Variants in AKAP9 observed in about 807,000 individuals in gnomAD.
AKAP9 encodes the protein A-kinase anchor protein 9.
Under a neutral mutation model 488.5 loss-of-function variants are expected in AKAP9, and 311 were observed. That is an observed-to-expected ratio of 0.64 (90% CI 0.58 to 0.70). The LOEUF (loss-of-function observed/expected upper bound fraction) is 0.70. Ranked by LOEUF, AKAP9 falls within the 30% of genes least tolerant of loss-of-function variation. The probability of loss-of-function intolerance (pLI) is 0.00; values close to 1 mark genes in which losing one functional copy is unlikely to be tolerated. For synonymous variants in AKAP9, 1,462 were observed against 1,483.5 expected, an observed-to-expected ratio of 0.99 and a Z score of 0.33; for missense variants, 4,215 against 4,374.5, an observed-to-expected ratio of 0.96 and a Z score of 1.03.
chr7:91,998,418 CTTTTTTTTTTTTTTTTTTTTTTTTT>C lies in AKAP9; in HGVS notation c.931-2417_931-2393del, dbSNP rs60778133. ...AGATAGTGTATTCAACCACAGGGCTCTTTTTTTTTTTTTTTTTTTTTTTTTTTTTTTTTTTTTAGAATTCAGAGTA... is the reference window on the plus strand; with the variant it reads ...AGATAGTGTATTCAACCACAGGGCTCTTTTTTTTTTTTAGAATTCAGAGTA... On this transcript the variant is annotated intron_variant, in intron 7 of 49. Transcript: ENST00000356239. 6.9e-4 allele frequency among the ~76,000 whole-genome samples: 37 copies of C among 54,000 alleles called. 1 individual carries two copies. In the South Asian group the frequency reaches 0.021, roughly 31 times the overall value. The allele number at this position is 54,000 out of a possible 152,430, so 35.4% of individuals were successfully genotyped here.
At chr7:92,085,457 A>G in intron 35 of AKAP9, 38 bp from the exon 36 acceptor site, 1 of 1,580,572 alleles carries the variant, frequency 6.3e-7, no homozygotes, top group Non-Finnish European at 8.7e-7. Context: ...TCTGTGAAGA[A>G]GTTGTCATAA....
intron 33 of AKAP9, among the ~76,000 whole-genome samples, 157 bp from the exon 34 acceptor site, chr7:92,084,483 C>A: frequency 6.6e-6 from 1 of 150,386 alleles, no homozygotes. Context: ...CATGAAGAAA[C>A]AGACTTGTTA....
intron 1 of AKAP9, among the ~76,000 whole-genome samples, chr7:91,959,979 T>C (rs183490026): frequency 1.3e-5 from 2 of 152,244 alleles, no homozygotes; most frequent in Admixed American, 1.3e-4. Context: ...ACAACTGTTA[T>C]AATCTTTTTA....
At position 92,093,213 on chromosome 7, in the gene AKAP9, A is replaced by T. The variant is rs1354788376; in HGVS notation, c.9475A>T (p.Met3159Leu). 6.2e-7 allele frequency: 1 copy of T among 1,614,034 alleles called. No individual in the cohort carries two copies. Among genetic ancestry groups the T allele is most frequent in the African/African-American group, 1.3e-5 (1 of 74,924 alleles). The change falls in exon 39 of 50, where the codon ATG becomes TTG. Residue 3159 changes from methionine (M) to leucine (L), a missense_variant. By Grantham distance (15) the Met-to-Leu change is conservative. Around this residue, in one of 5 missense-constraint regions of AKAP9, gnomAD observed 1,476 missense variants for 1,477.4 expected, o/e 1.00. Coordinates refer to ENST00000356239, the MANE Select transcript of AKAP9 (RefSeq NM_005751.5). ...ELQEQLSSEK[M>L]VVAELKSELA... Reference sequence around the variant, plus strand: ...GCAGGAGCAGCTGAGTTCTGAGAAAATGGTGGTTGCTGAACTGAAGAGTGA... The same window carrying T: ...GCAGGAGCAGCTGAGTTCTGAGAAATTGGTGGTTGCTGAACTGAAGAGTGA...
Position 92,010,105 on chromosome 7 carries a change from G to A in AKAP9, c.3319-2324G>A, listed in dbSNP as rs150921844. On this transcript the variant is annotated intron_variant, in intron 8 of 49. Coordinates refer to ENST00000356239, the MANE Select transcript of AKAP9 (RefSeq NM_005751.5). ...AGGATCTCGCTGTGTTGCCCAGGCTGGTCTTAAATGTAGGGGATTGGTCAG... is the reference window on the plus strand; with the variant it reads ...AGGATCTCGCTGTGTTGCCCAGGCTAGTCTTAAATGTAGGGGATTGGTCAG... Among the ~76,000 whole-genome samples, 7 of 152,230 alleles carry A rather than the reference G, an allele frequency of 4.6e-5. No individual in the cohort carries two copies. The East Asian group carries it at 1.4e-3, about 29-fold the overall frequency.
chr7:91,992,533 A>T (rs1797882349), intron 4 of AKAP9, among the ~76,000 whole-genome samples: 1 of 151,844 alleles, frequency 6.6e-6, no homozygotes, highest in African/African-American at 2.4e-5. Context: ...GCATGGTGGC[A>T]GCCGCCTGTA....
intron 1 of AKAP9, among the ~76,000 whole-genome samples, chr7:91,942,591 T>C (rs1790910325): frequency 6.6e-6 from 1 of 152,230 alleles, no homozygotes; most frequent in South Asian, 2.1e-4. Context: ...GTCTTACTTG[T>C]CTGTTACCTC....
chr7:92,045,943 C>T lies in AKAP9; in HGVS notation c.5368+730C>T, dbSNP rs900675748. 4.0e-5 allele frequency among the ~76,000 whole-genome samples: 6 copies of T among 148,800 alleles called. No homozygotes were observed. In the East Asian group the frequency reaches 6.0e-4, roughly 15 times the overall value. On this transcript the variant is annotated intron_variant, in intron 21 of 49. Coordinates refer to ENST00000356239, the MANE Select transcript of AKAP9 (RefSeq NM_005751.5). Reference sequence around the variant, plus strand: ...CTGTCTCCCGGGTTCAAGCAATTCTCCTGCCTCAGCCTCTCAACTAGCTGG... The same window carrying T: ...CTGTCTCCCGGGTTCAAGCAATTCTTCTGCCTCAGCCTCTCAACTAGCTGG...
Position 92,045,134 on chromosome 7 carries a change from C to T in AKAP9, c.5289C>T (p.Ser1763=). 1 of 1,613,536 alleles carries T rather than the reference C, an allele frequency of 6.2e-7. No individual in the cohort carries two copies. Among genetic ancestry groups the T allele is most frequent in the Non-Finnish European group, 8.5e-7 (1 of 1,179,900 alleles). Residue 1763 remains serine, a synonymous_variant, in exon 21 of 50, where the codon AGC becomes AGT. Coordinates refer to ENST00000356239, the MANE Select transcript of AKAP9 (RefSeq NM_005751.5). ...VLGILDRSSK[S]QSSASLIWRS... is the part of the protein sequence containing the mutation. The stretch of plus-strand genomic sequence containing the variant: ...GGATTCTAGATAGATCTAGTAAAAG[C>T]CAGTCATCTGCCAGCCTAATTTGGA...
At chr7:92,025,749 A>G (rs1803011176) in intron 14 of AKAP9, among the ~76,000 whole-genome samples, 1 of 152,228 alleles carries the variant, frequency 6.6e-6, no homozygotes, top group Non-Finnish European at 1.5e-5. Flanking sequence ...AGGGATAATA[A>G]TAATTACCCT....
At chr7:91,951,584 C>T (rs1385732946) in intron 1 of AKAP9, among the ~76,000 whole-genome samples, 1 of 152,226 alleles carries the variant, frequency 6.6e-6, no homozygotes, top group African/African-American at 2.4e-5. Context: ...CTTGGCCTCC[C>T]AGTGTGCTGG....
Position 91,950,533 on chromosome 7 carries a change from G to A in AKAP9, c.48+9386G>A, listed in dbSNP as rs534117373. On this transcript the variant is annotated intron_variant, in intron 1 of 49. Coordinates refer to ENST00000356239, the MANE Select transcript of AKAP9 (RefSeq NM_005751.5). Reference sequence around the variant, plus strand: ...GCGTGAGCCACAACGTCCAGGCTAGGGTCTCACTTTTATTCAAGTTAGTAT... The same window carrying A: ...GCGTGAGCCACAACGTCCAGGCTAGAGTCTCACTTTTATTCAAGTTAGTAT... Among the ~76,000 whole-genome samples, 3 of 152,158 alleles carry A rather than the reference G, an allele frequency of 2.0e-5. No individual in the cohort carries two copies. The East Asian group carries it at 5.8e-4, about 29-fold the overall frequency.
At chr7:92,054,510 G>A (rs1275203731) in intron 22 of AKAP9, among the ~76,000 whole-genome samples, 1 of 151,946 alleles carries the variant, frequency 6.6e-6, no homozygotes, top group Non-Finnish European at 1.5e-5. Context: ...GAGTGTGGTG[G>A]GGACCAAGTA....
At position 92,089,386 on chromosome 7, in the gene AKAP9, G is replaced by C; in HGVS notation, c.9215G>C (p.Gly3072Ala). 1.2e-6 allele frequency: 2 copies of C among 1,611,476 alleles called. No individual in the cohort carries two copies. Among genetic ancestry groups the C allele is most frequent in the Non-Finnish European group, 8.5e-7 (1 of 1,179,620 alleles). Residue 3072 changes from glycine to alanine, a missense_variant and splice_region_variant, in exon 38 of 50, where the codon GGT becomes GCT. Coordinates refer to ENST00000356239, the MANE Select transcript of AKAP9 (RefSeq NM_005751.5). ...NCLEQRIQEQ[G>A]VEYQAAMECL... The stretch of plus-strand genomic sequence containing the variant: ...GTTTTTTACCTTCCTTTGTTACAGG[G>C]TGTTGAATATCAAGCAGCTATGGAA...
chr7:91,955,779 A>G (rs1584561752), intron 1 of AKAP9, among the ~76,000 whole-genome samples: 1 of 152,016 alleles, frequency 6.6e-6, no homozygotes, highest in Non-Finnish European at 1.5e-5. Flanking sequence ...GATTGCAGGC[A>G]CCTGCCACCA....
intron 35 of AKAP9, among the ~76,000 whole-genome samples, chr7:92,085,250 A>C (rs1284902090): frequency 6.6e-6 from 1 of 152,206 alleles, no homozygotes; most frequent in African/African-American, 2.4e-5. Flanking sequence ...TCAGTAGCTT[A>C]TCAGTAAACC....
chr7:92,091,548 T>G (rs1815576102), intron 38 of AKAP9, among the ~76,000 whole-genome samples: 1 of 144,846 alleles, frequency 6.9e-6, no homozygotes, highest in Non-Finnish European at 1.5e-5. Flanking sequence ...ATCGTGCCAT[T>G]GTACTCCAGC....
intron 1 of AKAP9, among the ~76,000 whole-genome samples, chr7:91,962,968 A>G (rs557358306): frequency 6.6e-6 from 1 of 152,310 alleles, no homozygotes; most frequent in East Asian, 1.9e-4. Flanking sequence ...TTGCCCTGAT[A>G]TATTTTGCTG....
At chr7:92,081,061 A>G (rs891487206) in intron 31 of AKAP9, among the ~76,000 whole-genome samples, 2 of 152,176 alleles carry the variant, frequency 1.3e-5, no homozygotes, top group Non-Finnish European at 2.9e-5. Context: ...TTTCATTAAC[A>G]TCATCATTAA....
Sources: allele counts gnomAD v4.1 joint callset (sites outside exome capture counted in the v4.1 genomes callset), GRCh38; gene constraint gnomAD v4.1.1; regional missense constraint gnomAD v4.1.1; transcripts MANE v1.5; gene names NCBI Gene and HGNC (gene_info 2026-07-23, HGNC 2026-07-21).